Variants in TBC1D5 observed in about 807,000 individuals in gnomAD.
TBC1D5 encodes TBC1 domain family, member 5.
A neutral mutation model predicts 100.3 loss-of-function variants in TBC1D5; 75 were observed. The ratio of observed to expected loss-of-function variants is 0.75; its 90% CI spans 0.62 to 0.91. The LOEUF is 0.91. Among genes scored for constraint, TBC1D5 ranks in the 40% least tolerant of loss-of-function variants. The probability of loss-of-function intolerance (pLI) is 0.00; values close to 1 mark genes in which losing one functional copy is unlikely to be tolerated. For synonymous variants in TBC1D5, 323 were observed against 325.6 expected (o/e 0.99, Z 0.09); for missense variants, 910 against 942.4 (o/e 0.97, Z 0.45).
intron 2 of TBC1D5, among the ~76,000 whole-genome samples, chr3:17,549,926 T>C (rs1375379510): frequency 2.0e-5 from 3 of 150,620 alleles, no homozygotes; most frequent in African/African-American, 7.3e-5. Flanking sequence ...TGAGACTCTG[T>C]CTAAAATAAT....
intron 2 of TBC1D5, among the ~76,000 whole-genome samples, chr3:17,510,626 A>C (rs577468314): frequency 2.0e-5 from 3 of 152,160 alleles, no homozygotes; most frequent in Non-Finnish European, 4.4e-5. Context: ...ATAGTATAAC[A>C]CAGAGTTTGA....
chr3:17,303,833 CTTTTTTTTTTT>C lies in TBC1D5; in HGVS notation c.1138+4148_1138+4158del, dbSNP rs140988557. ...TGGAAGCCTGGATCACAATCTACCT[CTTTTTTTTTTT>C]TTTTTTTTTTTTTTTTTGAGGCCAG... On this transcript the variant is annotated intron_variant, in intron 14 of 21. Transcript: ENST00000253692. Among the ~76,000 whole-genome samples, 112 of 84,522 alleles carry C rather than the reference CTTTTTTTTTTT, an allele frequency of 1.3e-3. 2 individuals carry two copies. Among genetic ancestry groups the C allele is most frequent in the African/African-American group, 4.7e-3 (95 of 20,260 alleles). 55.4% of individuals were successfully genotyped at this position (84,522 alleles called of 152,430 possible).
intron 2 of TBC1D5, among the ~76,000 whole-genome samples, chr3:17,621,064 G>C (rs2062618004): frequency 6.6e-6 from 1 of 152,080 alleles, no homozygotes; most frequent in African/African-American, 2.4e-5. Context: ...TAAATGTGTT[G>C]ATACTGTTGG....
chr3:17,568,101 C>T (rs990948365), intron 2 of TBC1D5, among the ~76,000 whole-genome samples: 2 of 151,510 alleles, frequency 1.3e-5, no homozygotes, highest in Non-Finnish European at 3.0e-5. Context: ...AAGGTGAACA[C>T]CCTCCTACCT....
intron 3 of TBC1D5, among the ~76,000 whole-genome samples, chr3:17,502,443 T>A (rs2095797995): frequency 6.7e-6 from 1 of 149,452 alleles, no homozygotes; most frequent in African/African-American, 2.5e-5. Context: ...CCTCTTTTTT[T>A]AAGTCTCCTC....
At chr3:17,260,554 C>CA (rs1010684950) in intron 15 of TBC1D5, among the ~76,000 whole-genome samples, 16 of 150,784 alleles carry the variant, frequency 1.1e-4, no homozygotes, top group Admixed American at 2.0e-4. Context: ...GTACTGGAAA[C>CA]AAAAAAAAGA....
intron 2 of TBC1D5, among the ~76,000 whole-genome samples, chr3:17,525,478 C>T (rs2153350916): frequency 6.6e-6 from 1 of 152,268 alleles, no homozygotes; most frequent in South Asian, 2.1e-4. Context: ...GTTAAAATGA[C>T]TTGCTCCAGT....
At chr3:17,255,270 G>A (rs1176701610) in intron 16 of TBC1D5, among the ~76,000 whole-genome samples, 3 of 152,010 alleles carry the variant, frequency 2.0e-5, no homozygotes, top group Non-Finnish European at 2.9e-5. Flanking sequence ...GCACGATCTC[G>A]GCTCACTGCA....
intron 2 of TBC1D5, among the ~76,000 whole-genome samples, chr3:17,623,293 T>C (rs548560195): frequency 3.3e-5 from 5 of 152,298 alleles, no homozygotes; most frequent in East Asian, 1.9e-4. Context: ...GTACAGACCA[T>C]AGTTTGGATA....
At chr3:17,693,263 C>G (rs1203258471) in intron 1 of TBC1D5, among the ~76,000 whole-genome samples, 1 of 152,188 alleles carries the variant, frequency 6.6e-6, no homozygotes, top group Non-Finnish European at 1.5e-5. Flanking sequence ...GGAAGGCAAG[C>G]TGAAGCAGGG....
chr3:17,530,403 TTC>T (rs2096206000), intron 2 of TBC1D5, among the ~76,000 whole-genome samples: 1 of 152,112 alleles, frequency 6.6e-6, no homozygotes, highest in South Asian at 2.1e-4. Context: ...CAGAGCTCAT[TTC>T]TCTCTGTTTA....
At chr3:17,489,148 G>A (rs2095607250) in intron 3 of TBC1D5, among the ~76,000 whole-genome samples, 1 of 151,922 alleles carries the variant, frequency 6.6e-6, no homozygotes, top group African/African-American at 2.4e-5. Context: ...AGTGCAATGA[G>A]TATCAAATAA....
At chr3:17,455,393 T>C (rs948326441) in intron 3 of TBC1D5, among the ~76,000 whole-genome samples, 3 of 146,746 alleles carry the variant, frequency 2.0e-5, no homozygotes, top group Non-Finnish European at 4.5e-5. Flanking sequence ...AAAAAAAGTA[T>C]ATACACACAC....
intron 2 of TBC1D5, among the ~76,000 whole-genome samples, chr3:17,552,004 A>T (rs1333127058): frequency 1.3e-5 from 2 of 152,106 alleles, no homozygotes; most frequent in Non-Finnish European, 2.9e-5. Flanking sequence ...CATCTTCAAC[A>T]TCTGCAGCAC....
intron 3 of TBC1D5, among the ~76,000 whole-genome samples, chr3:17,475,039 A>C (rs561677667): frequency 2.0e-5 from 3 of 152,092 alleles, no homozygotes; most frequent in African/African-American, 7.2e-5. Context: ...TTGCCTAAGA[A>C]TTGCTAGTTT....
intron 14 of TBC1D5, among the ~76,000 whole-genome samples, chr3:17,296,834 G>A (rs1389599352): frequency 1.3e-5 from 2 of 152,158 alleles, no homozygotes; most frequent in African/African-American, 4.8e-5. Flanking sequence ...AGCAGATTTT[G>A]TGCAGAATAA....
intron 15 of TBC1D5, among the ~76,000 whole-genome samples, chr3:17,269,172 T>A (rs1417267933): frequency 6.6e-6 from 1 of 152,114 alleles, no homozygotes; most frequent in Non-Finnish European, 1.5e-5. Flanking sequence ...ACATTTAGGA[T>A]TGGGGCATAT....
chr3:17,660,246 G>A (rs1453722198), intron 1 of TBC1D5, among the ~76,000 whole-genome samples: 8 of 152,082 alleles, frequency 5.3e-5, no homozygotes, highest in Non-Finnish European at 1.2e-4. Flanking sequence ...AAAAGAGAAA[G>A]AAACTAAAAT....
chr3:17,372,101 T>C (rs781694987), exon 13 of TBC1D5: 12 of 1,612,470 alleles, frequency 7.4e-6, no homozygotes, highest in Non-Finnish European at 1.0e-5. Flanking sequence ...GTGCAATTTC[T>C]AGTCTGTTCA....
Sources: gnomAD v4.1 joint callset for allele counts (sites outside exome capture counted in the v4.1 genomes callset) on GRCh38, gnomAD v4.1.1 for gene constraint, MANE v1.5 for transcripts, NCBI Gene and HGNC (gene_info 2026-07-23, HGNC 2026-07-21) for gene names.